The following SNX7 variants were observed in gnomAD, a reference collection of about 807,000 sequenced individuals.
The protein encoded by SNX7 is sorting nexin 7.
Under a neutral mutation model 48.4 loss-of-function variants are expected in SNX7, and 35 were observed. The observed-to-expected ratio is 0.72, with a 90% CI of 0.55 to 0.96. SNX7 has a LOEUF of 0.96. SNX7 is among the 40% of genes least tolerant of loss of function. The probability of loss-of-function intolerance (pLI) is 0.00; values close to 1 mark genes in which losing one functional copy is unlikely to be tolerated. For missense variants in SNX7, 553 were observed against 548.9 expected (o/e 1.01, Z -0.07); for synonymous variants, 190 against 190.2 (o/e 1.00, Z 0.01).
chr1:98,727,334 A>G (rs985961231), intron 7 of SNX7, among the ~76,000 whole-genome samples: 1 of 152,218 alleles, frequency 6.6e-6, no homozygotes, highest in Non-Finnish European at 1.5e-5. Flanking sequence ...AACAGCATCA[A>G]TAAAAGTGTC....
chr1:98,715,360 G>C (rs1257570541), intron 7 of SNX7, among the ~76,000 whole-genome samples: 1 of 152,046 alleles, frequency 6.6e-6, no homozygotes, highest in East Asian at 1.9e-4. Flanking sequence ...ATTCTTTTTA[G>C]GTAGTATATG....
At chr1:98,688,875 C>T (rs1650954009) in intron 2 of SNX7, among the ~76,000 whole-genome samples, 1 of 151,992 alleles carries the variant, frequency 6.6e-6, no homozygotes, top group Admixed American at 6.6e-5. Context: ...AGTTTGGAAG[C>T]TTTTGTTTGG....
chr1:98,665,782 G>T (rs547009551), intron 1 of SNX7, among the ~76,000 whole-genome samples: 1 of 151,994 alleles, frequency 6.6e-6, no homozygotes, highest in African/African-American at 2.4e-5. Flanking sequence ...TAGAGACAGG[G>T]TTTCATCATG....
intron 7 of SNX7, among the ~76,000 whole-genome samples, chr1:98,714,745 G>A (rs1462328440): frequency 2.6e-5 from 4 of 152,178 alleles, no homozygotes; most frequent in African/African-American, 9.7e-5. Context: ...TAGGTTGCAA[G>A]TAGCTAGAAT....
chr1:98,722,415 C>T (rs887557688), intron 7 of SNX7, among the ~76,000 whole-genome samples: 1 of 152,112 alleles, frequency 6.6e-6, no homozygotes, highest in African/African-American at 2.4e-5. Context: ...TTGTTAAGAG[C>T]CCTCTTATCT....
Position 98,685,058 on chromosome 1 carries a change from T to G in SNX7, c.354T>G (p.Ile118Met), listed in dbSNP as rs1650718473. ...TAGAAACTTTCATTACGTATAGGATTATTACTAAGGTAAACATTTGGTGAA... is the reference window on the plus strand; with the variant it reads ...TAGAAACTTTCATTACGTATAGGATGATTACTAAGGTAAACATTTGGTGAA... ...TTIETFITYR[I>M]ITKTSRGEFD... The change falls in exon 2 of 9, where the codon ATT becomes ATG. Residue 118 changes from isoleucine (I) to methionine (M), a missense_variant. Transcript: ENST00000306121. The G allele has an allele frequency of 6.7e-7, 1 of 1,496,550 alleles. No individual in the cohort carries two copies. Among genetic ancestry groups the G allele is most frequent in the Admixed American group, 2.0e-5 (1 of 49,472 alleles). 92.7% of individuals were successfully genotyped at this position (1,496,550 alleles called of 1,614,324 possible). A position where few individuals can be genotyped will look rare whatever the true frequency, so the allele number is the denominator to read the frequency against.
At chr1:98,691,788 C>A in intron 4 of SNX7, 89 bp downstream of exon 4, 1 of 1,092,176 alleles carries the variant, frequency 9.2e-7, no homozygotes, top group Non-Finnish European at 1.2e-6. Flanking sequence ...CGTTACAAAT[C>A]ATGCAGTGGT....
At chr1:98,681,261 A>G (rs1650473975) in intron 1 of SNX7, among the ~76,000 whole-genome samples, 1 of 152,162 alleles carries the variant, frequency 6.6e-6, no homozygotes, top group Admixed American at 6.5e-5. Flanking sequence ...TGATTCAATT[A>G]TCTCCCACCA....
At chr1:98,755,984 G>T (rs761911834) in intron 8 of SNX7, among the ~76,000 whole-genome samples, 7 of 151,702 alleles carry the variant, frequency 4.6e-5, no homozygotes, top group African/African-American at 1.7e-4. Flanking sequence ...TCTGTACATT[G>T]TTCCTATTTT....
At chr1:98,726,625 A>G (rs1395598498) in intron 7 of SNX7, among the ~76,000 whole-genome samples, 1 of 151,800 alleles carries the variant, frequency 6.6e-6, no homozygotes, top group African/African-American at 2.4e-5. Context: ...AGGAATATCC[A>G]TTGAATATGG....
chr1:98,725,937 A>G (rs1343332304), intron 7 of SNX7, among the ~76,000 whole-genome samples: 1 of 152,188 alleles, frequency 6.6e-6, no homozygotes, highest in Non-Finnish European at 1.5e-5. Context: ...AGGCTTTGTC[A>G]GGGCTATTGA....
chr1:98,715,285 C>T (rs1557816562), intron 7 of SNX7, among the ~76,000 whole-genome samples: 1 of 152,056 alleles, frequency 6.6e-6, no homozygotes. Flanking sequence ...TTTCCTTAAG[C>T]TTAGATTTAT....
chr1:98,688,783 A>G (rs1650948351), intron 2 of SNX7, among the ~76,000 whole-genome samples: 1 of 152,224 alleles, frequency 6.6e-6, no homozygotes, highest in Non-Finnish European at 1.5e-5. Flanking sequence ...TGTTAGAAGC[A>G]TTATTTATAC....
chr1:98,730,819 G>A (rs997390730), intron 7 of SNX7, among the ~76,000 whole-genome samples: 5 of 152,016 alleles, frequency 3.3e-5, no homozygotes, highest in South Asian at 2.1e-4. Flanking sequence ...GAAAATGGCC[G>A]TACTACCCAA....
chr1:98,691,170 C>T lies in SNX7; in HGVS notation c.459C>T (p.Pro153=). The T allele has an allele frequency of 2.5e-6, 4 of 1,605,840 alleles. No homozygotes were observed. Among genetic ancestry groups the T allele is most frequent in the Non-Finnish European group, 3.4e-6 (4 of 1,175,638 alleles). Reference sequence around the variant, plus strand: ...AGGGAAAACTGGAAGAAGCACACCCCACTCTGATTATTCCAGTAAGTTTGC... The same window carrying T: ...AGGGAAAACTGGAAGAAGCACACCCTACTCTGATTATTCCAGTAAGTTTGC... ...WLKGKLEEAH[P]TLIIPPLPEK... The change falls in exon 3 of 9, where the codon CCC becomes CCT. Residue 153 remains proline (P), a synonymous_variant. Coordinates refer to ENST00000306121, the MANE Select transcript of SNX7 (RefSeq NM_015976.5).
intron 7 of SNX7, among the ~76,000 whole-genome samples, chr1:98,720,458 G>A (rs1400314693): frequency 2.6e-5 from 4 of 151,846 alleles, no homozygotes; most frequent in Non-Finnish European, 5.9e-5. Flanking sequence ...GTATTTCTAG[G>A]AAAACACATG....
At chr1:98,680,766 C>T (rs866934443) in intron 1 of SNX7, among the ~76,000 whole-genome samples, 6 of 152,170 alleles carry the variant, frequency 3.9e-5, no homozygotes, top group Admixed American at 1.3e-4. Flanking sequence ...TCATCTCCAT[C>T]TGTGATCACC....
intron 8 of SNX7, among the ~76,000 whole-genome samples, chr1:98,752,642 G>C (rs910315751): frequency 1.6e-4 from 24 of 151,994 alleles, no homozygotes; most frequent in African/African-American, 5.8e-4. Flanking sequence ...TTTTCTGATG[G>C]CCAGCATCTT....
At chr1:98,718,330 C>T (rs1447421161) in intron 7 of SNX7, among the ~76,000 whole-genome samples, 1 of 151,988 alleles carries the variant, frequency 6.6e-6, no homozygotes, top group African/African-American at 2.4e-5. Flanking sequence ...CTTCTTTTAT[C>T]ATCTAACACT....
Sources: gnomAD v4.1 joint callset for allele counts (sites outside exome capture counted in the v4.1 genomes callset) on GRCh38, gnomAD v4.1.1 for gene constraint, MANE v1.5 for transcripts, NCBI Gene and HGNC (gene_info 2026-07-23, HGNC 2026-07-21) for gene names.